The following TBCD variants were observed in gnomAD, a reference collection of about 807,000 sequenced individuals.
TBCD encodes tubulin folding cofactor D.
TBCD carries 105 observed loss-of-function variants against 169.3 expected under a neutral mutation model. That is an observed-to-expected ratio of 0.62 (90% CI 0.53 to 0.73). The LOEUF is 0.73. Among genes scored for constraint, TBCD ranks in the 30% least tolerant of loss-of-function variants. The pLI, the probability that TBCD is intolerant of heterozygous loss-of-function variation, is 0.00. For synonymous variants in TBCD, 700 were observed against 643.9 expected (o/e 1.09, Z -1.32); for missense variants, 1,444 against 1,600.1 (o/e 0.90, Z 1.66).
Position 82,930,313 on chromosome 17 carries a change from G to A in TBCD, c.2992-209G>A, listed in dbSNP as rs917701584. On this transcript the variant is annotated intron_variant, in intron 32 of 38. Transcript: ENST00000355528. The surrounding 1 kb of genome is among the most constrained non-coding windows in gnomAD (Gnocchi z 5.2). ...AAGTGAGGGCTCAGGCTGAGCTGCC[G>A]TTGCCGAGAGCCTTGTGTCTGCTTC... The A allele has an allele frequency of 4.2e-5, 26 of 624,856 alleles. No individual in the cohort carries two copies. In the East Asian group the frequency reaches 5.0e-4, roughly 12 times the overall value. The allele number at this position is 624,856 out of a possible 1,614,324, so 38.7% of individuals were successfully genotyped here. A position where few individuals can be genotyped will look rare whatever the true frequency, so the allele number is the denominator to read the frequency against.
At chr17:82,840,961 T>TTG (rs2054457332) in intron 13 of TBCD, among the ~76,000 whole-genome samples, 1 of 128,964 alleles carries the variant, frequency 7.8e-6, no homozygotes, top group Non-Finnish European at 1.6e-5. Flanking sequence ...CTGGTTTTTT[T>TTG]TTTTTTTTTT....
At chr17:82,774,706 G>A (rs370744635) in intron 6 of TBCD, among the ~76,000 whole-genome samples, 1 of 152,166 alleles carries the variant, frequency 6.6e-6, no homozygotes, top group Non-Finnish European at 1.5e-5. Flanking sequence ...TCTACCTGTC[G>A]TTTGTGGTGG....
In TBCD at chr17:82,880,661, C is replaced by T. The variant is rs796171881; in HGVS notation, c.1476-3484C>T. 6.6e-6 allele frequency among the ~76,000 whole-genome samples: 1 copy of T among 152,140 alleles called. No individual in the cohort carries two copies. Among genetic ancestry groups the T allele is most frequent in the African/African-American group, 2.4e-5 (1 of 41,430 alleles). ...CTCCGTGGTGTTGGGAGGTGCTGGG[C>T]CCGGAGGTATCAGCAGGAACTGCAG... On this transcript the variant is annotated intron_variant, in intron 14 of 38. Transcript: ENST00000355528. This position sits in a 1 kb window ranked among gnomAD's most constrained non-coding sequence, Gnocchi z 5.0.
rs371996295 is a variant in TBCD, at chr17:82,862,072, G to A, written c.1319-8152G>A. Among the ~76,000 whole-genome samples the A allele has an allele frequency of 7.9e-5, 12 of 152,030 alleles. No individual in the cohort carries two copies. In the East Asian group the frequency reaches 1.4e-3, roughly 17 times the overall value. The stretch of plus-strand genomic sequence containing the variant: ...TGAGTAGCTGGGACTACAGGCGCCC[G>A]CCACCTTGCCCGGCTAATTTTTTGT... On this transcript the variant is annotated intron_variant, in intron 13 of 38. Coordinates refer to ENST00000355528, the MANE Select transcript of TBCD (RefSeq NM_005993.5).
intron 7 of TBCD, among the ~76,000 whole-genome samples, chr17:82,785,809 A>G (rs571109110): frequency 1.0e-4 from 13 of 128,814 alleles, no homozygotes; most frequent in African/African-American, 4.3e-4. Flanking sequence ...AGGGGGGTCC[A>G]TGCTGTGTGA....
At chr17:82,848,316 G>A (rs1205043662) in intron 13 of TBCD, among the ~76,000 whole-genome samples, 1 of 152,198 alleles carries the variant, frequency 6.6e-6, no homozygotes, top group African/African-American at 2.4e-5. Flanking sequence ...TCTCCTGTGC[G>A]GATTGGCGCT....
intron 13 of TBCD, among the ~76,000 whole-genome samples, chr17:82,842,890 C>T (rs748607782): frequency 2.7e-5 from 4 of 150,866 alleles, no homozygotes; most frequent in Admixed American, 6.6e-5. Flanking sequence ...ACGCCATTCT[C>T]TTGCCTCAGC....
In TBCD at chr17:82,930,435, C is replaced by T. The variant is rs565073458; in HGVS notation, c.2992-87C>T. The T allele has an allele frequency of 1.2e-5, 19 of 1,529,656 alleles. No homozygotes were observed. The highest frequency in any genetic ancestry group is 2.7e-5 in the African/African-American group (2 of 73,038). 94.8% of individuals were successfully genotyped at this position (1,529,656 alleles called of 1,614,324 possible). On this transcript the variant is annotated intron_variant, in intron 32 of 38. Transcript: ENST00000355528. The surrounding 1 kb of genome is among the most constrained non-coding windows in gnomAD (Gnocchi z 5.2). ...TGCAGCTCGGAGCAGTTCTGCTCTT[C>T]AGCAGATGCTTGACCGGCTGTAGCC...
Position 82,828,282 on chromosome 17 carries a change from A to AC in TBCD, c.1318+13355dup, listed in dbSNP as rs139017932. Among the ~76,000 whole-genome samples, 80 of 100,094 alleles carry AC rather than the reference A, an allele frequency of 8.0e-4. No individual in the cohort carries two copies. The East Asian group carries it at 0.014, about 17-fold the overall frequency. The allele number at this position is 100,094 out of a possible 152,430, so 65.7% of individuals were successfully genotyped here. On this transcript the variant is annotated intron_variant, in intron 13 of 38. Transcript: ENST00000355528. ...CACCCACACAATTGAATGCACACAC[A>AC]CCCCCCCACAGGCACACGTGCACAC... is the stretch of plus-strand genomic sequence containing the variant.
rs1437227077 is a variant in TBCD at position 82,874,583 on chromosome 17, GC to G, written c.1475+4205del. 6.6e-6 allele frequency among the ~76,000 whole-genome samples: 1 copy of G among 152,172 alleles called. No homozygotes were observed. The highest frequency in any genetic ancestry group is 1.5e-5 in the Non-Finnish European group (1 of 68,032). On this transcript the variant is annotated intron_variant, in intron 14 of 38. Coordinates refer to ENST00000355528, the MANE Select transcript of TBCD (RefSeq NM_005993.5). This position sits in a 1 kb window ranked among gnomAD's most constrained non-coding sequence, Gnocchi z 5.0. ...CCGCAGACCCAAGGGTGCCCTTGGA[GC>G]CGTGCCCGCCGGCCTGGGTGTCAGG...
chr17:82,772,547 G>T, intron 6 of TBCD, 40 bp downstream of exon 6: 1 of 1,605,744 alleles, frequency 6.2e-7, no homozygotes, highest in South Asian at 1.1e-5. Context: ...GTGGCTGGTG[G>T]GTTCTGAGAG....
chr17:82,823,991 C>T (rs115383645), intron 13 of TBCD, among the ~76,000 whole-genome samples: 143 of 151,864 alleles, frequency 9.4e-4, no homozygotes, highest in Middle Eastern at 6.8e-3. Context: ...AAGGACTTTG[C>T]CTGTTTTAGA....
chr17:82,776,715 T>G (rs2048621941), intron 6 of TBCD, among the ~76,000 whole-genome samples: 1 of 152,156 alleles, frequency 6.6e-6, no homozygotes, highest in Admixed American at 6.6e-5. Flanking sequence ...CAGGATTGTT[T>G]CGTGAGGATG....
intron 13 of TBCD, among the ~76,000 whole-genome samples, chr17:82,834,011 C>G (rs1199199335): frequency 2.0e-5 from 3 of 151,918 alleles, no homozygotes; most frequent in Non-Finnish European, 2.9e-5. Context: ...ATGGCGCAAT[C>G]TCAGCTCACT....
intron 5 of TBCD, among the ~76,000 whole-genome samples, chr17:82,769,186 ACT>A (rs2048177444): frequency 6.6e-6 from 1 of 151,814 alleles, no homozygotes; most frequent in Admixed American, 6.6e-5. Context: ...TGCAGTTAAA[ACT>A]CGACATGGGC....
At chr17:82,848,688 A>G (rs573072254) in intron 13 of TBCD, among the ~76,000 whole-genome samples, 3 of 152,320 alleles carry the variant, frequency 2.0e-5, no homozygotes, top group Middle Eastern at 3.4e-3. Flanking sequence ...TTTTCATGCT[A>G]CAAAATAACA....
rs371185979 is a variant in TBCD at position 82,799,177 on chromosome 17, G to GCT, written c.817+1377_817+1378dup. ...GAAGCTATCCGGACTGGGCGTTGTG[G>GCT]CTCACGCCTGTAATCCCAGCGCTTT... On this transcript the variant is annotated intron_variant, in intron 8 of 38. Transcript: ENST00000355528. Among the ~76,000 whole-genome samples the GCT allele has an allele frequency of 8.3e-4, 126 of 152,330 alleles. 1 individual carries two copies. The highest frequency in any genetic ancestry group is 1.5e-3 in the Non-Finnish European group (101 of 68,032).
chr17:82,924,459 G>A (rs555228934), intron 26 of TBCD, among the ~76,000 whole-genome samples: 4 of 152,298 alleles, frequency 2.6e-5, no homozygotes, highest in African/African-American at 4.8e-5. Flanking sequence ...CATCATGTTC[G>A]AGGGATCTGC....
At chr17:82,827,583 A>G (rs1286147486) in intron 13 of TBCD, among the ~76,000 whole-genome samples, 2 of 152,204 alleles carry the variant, frequency 1.3e-5, no homozygotes, top group Non-Finnish European at 2.9e-5. Flanking sequence ...ATGCACGCTC[A>G]CACACATGCA....
Sources: gnomAD v4.1 joint callset for allele counts (sites outside exome capture counted in the v4.1 genomes callset) on GRCh38, gnomAD v4.1.1 for gene constraint, Gnocchi (gnomAD v3.1) non-coding constraint, MANE v1.5 for transcripts, NCBI Gene and HGNC (gene_info 2026-07-23, HGNC 2026-07-21) for gene names.